Variants in CLVS1 observed in about 807,000 individuals in gnomAD.
The protein encoded by CLVS1 is clavesin 1.
CLVS1 carries 10 observed loss-of-function variants against 33.1 expected under a neutral mutation model. The ratio of observed to expected loss-of-function variants is 0.30; its 90% CI spans 0.19 to 0.51. The LOEUF (loss-of-function observed/expected upper bound fraction) is 0.51. Ranked by LOEUF, CLVS1 falls within the 20% of genes least tolerant of loss-of-function variation. The pLI, the probability that CLVS1 is intolerant of heterozygous loss-of-function variation, is 0.97. For synonymous variants in CLVS1, 163 were observed against 166.1 expected, an observed-to-expected ratio of 0.98 and a Z score of 0.14; for missense variants, 343 against 433.4, an observed-to-expected ratio of 0.79 and a Z score of 1.85.
intron 2 of CLVS1, among the ~76,000 whole-genome samples, chr8:61,144,897 T>C (rs1001938098): frequency 1.3e-5 from 2 of 152,188 alleles, no homozygotes; most frequent in African/African-American, 4.8e-5. Flanking sequence ...ACCCAGCTAA[T>C]TTTTGGTCTT....
intron 2 of CLVS1, among the ~76,000 whole-genome samples, chr8:61,253,091 C>T (rs1808987686): frequency 1.3e-5 from 2 of 152,126 alleles, no homozygotes; most frequent in South Asian, 4.1e-4. Context: ...GTGCTTCCTT[C>T]AGGAGCTCTT....
the CLVS1 span, among the ~76,000 whole-genome samples, chr8:60,987,555 G>C: frequency 6.6e-6 from 1 of 152,080 alleles, no homozygotes; most frequent in Non-Finnish European, 1.5e-5. Context: ...GCTTGGGCCT[G>C]CTGATTTAAA....
chr8:61,189,634 T>C (rs1011782659), intron 2 of CLVS1, among the ~76,000 whole-genome samples: 12 of 152,130 alleles, frequency 7.9e-5, no homozygotes, highest in East Asian at 7.7e-4. Flanking sequence ...ACTCATCTCA[T>C]GTGCAGAGAC....
At chr8:61,195,643 T>G (rs1404804288) in intron 2 of CLVS1, among the ~76,000 whole-genome samples, 1 of 152,072 alleles carries the variant, frequency 6.6e-6, no homozygotes, top group Non-Finnish European at 1.5e-5. Flanking sequence ...TCATGCAATA[T>G]GAGCTCCTGA....
chr8:61,282,730 T>TA, intron 2 of CLVS1, among the ~76,000 whole-genome samples: 1 of 152,354 alleles, frequency 6.6e-6, no homozygotes, highest in Non-Finnish European at 1.5e-5. Flanking sequence ...TTATTATTAC[T>TA]ATAAATTGTG....
In CLVS1 at chr8:61,207,811, G is replaced by A. The variant is rs186337425; in HGVS notation, c.-152+75951G>A. 9.0e-4 allele frequency among the ~76,000 whole-genome samples: 137 copies of A among 152,256 alleles called. 1 individual carries two copies. Among genetic ancestry groups the A allele is most frequent in the Admixed American group, 3.1e-3 (48 of 15,290 alleles). ...GGAAAGGTTTAATTTTTTCAACCAC[G>A]ATTTTCAGCTCTAACTTTGTTCACA... is the stretch of plus-strand genomic sequence containing the variant. On this transcript the variant is annotated intron_variant, in intron 2 of 2. Coordinates refer to the CLVS1 transcript ENST00000522621.
the CLVS1 span, among the ~76,000 whole-genome samples, chr8:61,033,221 A>G: frequency 1.1e-4 from 17 of 151,656 alleles, no homozygotes; most frequent in African/African-American, 4.1e-4. Context: ...TCAAAACAAA[A>G]CAACAACAAC....
rs373891702 is a variant in CLVS1, at chr8:61,165,995, C to T, written c.-152+34135C>T. Among the ~76,000 whole-genome samples the T allele has an allele frequency of 3.0e-4, 43 of 142,190 alleles. No individual in the cohort carries two copies. The South Asian group carries it at 8.7e-3, about 29-fold the overall frequency. The allele number at this position is 142,190 out of a possible 152,430, so 93.3% of individuals were successfully genotyped here. A position where few individuals can be genotyped will look rare whatever the true frequency, so the allele number is the denominator to read the frequency against. On this transcript the variant is annotated intron_variant, in intron 2 of 2. Transcript: ENST00000522621. ...CTCCCAAAATATAGCAAGGCAAGAA[C>T]GTGGGTTACATATTTTTGTGGCTAA...
intron 2 of CLVS1, among the ~76,000 whole-genome samples, chr8:61,178,265 T>C (rs1434693946): frequency 6.6e-6 from 1 of 152,004 alleles, no homozygotes; most frequent in Non-Finnish European, 1.5e-5. Flanking sequence ...AAGACTATCC[T>C]GCTGAAATAA....
At chr8:60,990,810 G>T in the CLVS1 span, among the ~76,000 whole-genome samples, 1 of 151,348 alleles carries the variant, frequency 6.6e-6, no homozygotes, top group African/African-American at 2.4e-5. Context: ...CTGGTTTCAA[G>T]CGATTCTCCT....
At chr8:61,351,632 A>G (rs1021635616) in intron 2 of CLVS1, among the ~76,000 whole-genome samples, 1 of 152,168 alleles carries the variant, frequency 6.6e-6, no homozygotes, top group Non-Finnish European at 1.5e-5. Flanking sequence ...AGGAACACAC[A>G]TCATAATCAC....
intron 3 of CLVS1, among the ~76,000 whole-genome samples, chr8:61,422,048 T>A (rs139105575): frequency 6.6e-6 from 1 of 152,230 alleles, no homozygotes; most frequent in Non-Finnish European, 1.5e-5. Context: ...TAGTGTGAAC[T>A]GGATGATTCT....
At chr8:61,293,819 C>T (rs563671459) in intron 1 of CLVS1, among the ~76,000 whole-genome samples, 9 of 151,990 alleles carry the variant, frequency 5.9e-5, no homozygotes, top group Non-Finnish European at 8.8e-5. Flanking sequence ...GTGTTGTCAC[C>T]GGTATTAATT....
At chr8:60,970,326 C>T in the CLVS1 span, among the ~76,000 whole-genome samples, 1 of 152,236 alleles carries the variant, frequency 6.6e-6, no homozygotes, top group Non-Finnish European at 1.5e-5. Context: ...GGCTGCTGGT[C>T]ATCCTGAGAT....
At chr8:61,139,245 C>A (rs999384451) in intron 2 of CLVS1, among the ~76,000 whole-genome samples, 1 of 152,158 alleles carries the variant, frequency 6.6e-6, no homozygotes, top group Non-Finnish European at 1.5e-5. Context: ...GGAGCGCCCG[C>A]GAGGCGCCGC....
intron 2 of CLVS1, among the ~76,000 whole-genome samples, chr8:61,248,534 T>TTG (rs1025169670): frequency 1.3e-5 from 2 of 152,062 alleles, no homozygotes; most frequent in African/African-American, 2.4e-5. Flanking sequence ...CTAGTTTTTT[T>TTG]TGTGTGTGTG....
intron 2 of CLVS1, among the ~76,000 whole-genome samples, chr8:61,309,651 C>G (rs755032246): frequency 1.3e-5 from 2 of 152,196 alleles, no homozygotes; most frequent in Admixed American, 6.5e-5. Context: ...TGTCCCCTCA[C>G]GCCTTGCAGT....
intron 3 of CLVS1, among the ~76,000 whole-genome samples, chr8:61,450,965 G>A (rs1376482097): frequency 6.6e-6 from 1 of 152,144 alleles, no homozygotes; most frequent in Non-Finnish European, 1.5e-5. Context: ...AGCTTTAAGA[G>A]CTTAGGTATG....
chr8:61,217,454 T>C (rs934244917), intron 2 of CLVS1, among the ~76,000 whole-genome samples: 14 of 152,204 alleles, frequency 9.2e-5, no homozygotes, highest in African/African-American at 3.4e-4. Flanking sequence ...ATCAAAGGTA[T>C]GTCTCAACTT....
Sources: gnomAD v4.1 joint callset for allele counts (sites outside exome capture counted in the v4.1 genomes callset) on GRCh38, gnomAD v4.1.1 for gene constraint, MANE v1.5 for transcripts, NCBI Gene and HGNC (gene_info 2026-07-23, HGNC 2026-07-21) for gene names.